The following MBOAT2 variants were observed in gnomAD, a reference collection of about 807,000 sequenced individuals.
The protein encoded by MBOAT2 is membrane bound glycerophospholipid O-acyltransferase 2.
In MBOAT2, 28 loss-of-function variants were observed where a neutral mutation model predicts 63.4. The observed-to-expected ratio is 0.44, with a 90% CI of 0.33 to 0.61. The LOEUF is 0.61. MBOAT2 is among the 20% of genes least tolerant of loss of function. The pLI, the probability that MBOAT2 is intolerant of heterozygous loss-of-function variation, is 0.03. For missense variants in MBOAT2, 470 were observed against 605.8 expected (o/e 0.78, Z 2.35); for synonymous variants, 211 against 215.6 (o/e 0.98, Z 0.19).
chr2:8,882,764 G>T (rs534921122), intron 5 of MBOAT2, among the ~76,000 whole-genome samples, 199 bp from the exon 6 acceptor site: 1 of 152,132 alleles, frequency 6.6e-6, no homozygotes, highest in Non-Finnish European at 1.5e-5. Context: ...ACACATGGTT[G>T]GGTATCTGAC....
At chr2:8,937,633 G>A (rs933252333) in intron 3 of MBOAT2, among the ~76,000 whole-genome samples, 1 of 152,126 alleles carries the variant, frequency 6.6e-6, no homozygotes, top group Non-Finnish European at 1.5e-5. Context: ...GGAGAGGGAG[G>A]ATGAGGAACA....
intron 3 of MBOAT2, among the ~76,000 whole-genome samples, chr2:8,914,706 T>C (rs1250420935): frequency 1.3e-5 from 2 of 152,174 alleles, no homozygotes; most frequent in African/African-American, 4.8e-5. Context: ...ACTAGCCACA[T>C]GTAGTTACTG....
Position 8,996,412 on chromosome 2 carries a change from C to T in MBOAT2, c.75+7128G>A, listed in dbSNP as rs776874367. Among the ~76,000 whole-genome samples, 8 of 152,282 alleles carry T rather than the reference C, an allele frequency of 5.3e-5. No homozygotes were observed. The East Asian group carries it at 9.6e-4, about 18-fold the overall frequency. ...GTAAGTCATATTGAAGCAACCCTAACGTCCTGGATTGTATTTAAATGCCCC... is the reference window on the plus strand; with the variant it reads ...GTAAGTCATATTGAAGCAACCCTAATGTCCTGGATTGTATTTAAATGCCCC... On this transcript the variant is annotated intron_variant, in intron 1 of 12. Coordinates refer to ENST00000305997, the MANE Select transcript of MBOAT2 (RefSeq NM_138799.4).
At chr2:8,926,848 G>C (rs1166865973) in intron 3 of MBOAT2, among the ~76,000 whole-genome samples, 2 of 152,188 alleles carry the variant, frequency 1.3e-5, no homozygotes, top group Admixed American at 1.3e-4. Flanking sequence ...AAGACCAACA[G>C]TGGATTTGAC....
intron 1 of MBOAT2, among the ~76,000 whole-genome samples, chr2:8,964,819 T>C (rs1669874999): frequency 6.6e-6 from 1 of 152,240 alleles, no homozygotes; most frequent in Admixed American, 6.5e-5. Flanking sequence ...TTTTTAAATG[T>C]GTATTTCTCC....
At chr2:8,937,934 G>A (rs368612446) in intron 3 of MBOAT2, among the ~76,000 whole-genome samples, 74 of 152,270 alleles carry the variant, frequency 4.9e-4, no homozygotes, top group Middle Eastern at 6.8e-3. Context: ...AAACAAGCAA[G>A]ATCACGTCAA....
chr2:8,992,384 G>C (rs1017633978), intron 1 of MBOAT2, among the ~76,000 whole-genome samples: 2 of 152,144 alleles, frequency 1.3e-5, no homozygotes, highest in Admixed American at 1.3e-4. Flanking sequence ...GGATCCTCCT[G>C]CCTTGGCCTC....
chr2:8,968,733 C>A (rs1190302820), intron 1 of MBOAT2, among the ~76,000 whole-genome samples: 1 of 152,124 alleles, frequency 6.6e-6, no homozygotes, highest in Non-Finnish European at 1.5e-5. Context: ...GTGATGAATG[C>A]ACAAGCTTCA....
intron 1 of MBOAT2, among the ~76,000 whole-genome samples, chr2:8,989,915 ATAGAG>A (rs1183687956): frequency 6.6e-6 from 1 of 152,208 alleles, no homozygotes; most frequent in East Asian, 1.9e-4. Flanking sequence ...GCTGCCATTT[ATAGAG>A]TACTCATTAC....
chr2:8,978,607 G>A (rs1670990291), intron 1 of MBOAT2, among the ~76,000 whole-genome samples: 1 of 151,990 alleles, frequency 6.6e-6, no homozygotes, highest in African/African-American at 2.4e-5. Context: ...CACCTGAGTT[G>A]AGTAATGAGA....
At chr2:8,890,766 C>G (rs183166780) in intron 4 of MBOAT2, among the ~76,000 whole-genome samples, 2 of 152,142 alleles carry the variant, frequency 1.3e-5, no homozygotes, top group African/African-American at 4.8e-5. Context: ...GCGATCCACC[C>G]ACCTCAGCCT....
intron 3 of MBOAT2, among the ~76,000 whole-genome samples, chr2:8,923,041 C>T (rs901695112): frequency 1.3e-5 from 2 of 152,204 alleles, no homozygotes; most frequent in Non-Finnish European, 2.9e-5. Flanking sequence ...GGCTAAACTG[C>T]TTTTGCTCAT....
In MBOAT2 at chr2:8,999,026, AGT is replaced by A. The variant is rs1272359753; in HGVS notation, c.75+4512_75+4513del. ...TGAAACAGCTTTGAAAACTGTATTA[AGT>A]GTTAGACATTATAATTATTATCTGA... On this transcript the variant is annotated intron_variant, in intron 1 of 12. Transcript: ENST00000305997. 5.9e-5 allele frequency among the ~76,000 whole-genome samples: 9 copies of A among 152,336 alleles called. No individual in the cohort carries two copies. In the East Asian group the frequency reaches 1.7e-3, roughly 29 times the overall value.
chr2:8,988,998 C>T (rs572032752), intron 1 of MBOAT2, among the ~76,000 whole-genome samples: 1 of 152,246 alleles, frequency 6.6e-6, no homozygotes, highest in Admixed American at 6.5e-5. Context: ...TAAGATAGTT[C>T]CTATTGTTTT....
At chr2:8,944,409 A>AC (rs1668264219) in intron 2 of MBOAT2, among the ~76,000 whole-genome samples, 1 of 151,912 alleles carries the variant, frequency 6.6e-6, no homozygotes, top group Non-Finnish European at 1.5e-5. Flanking sequence ...AAAGTACTTT[A>AC]TTTTTTTTCT....
At chr2:8,896,259 A>G (rs1664462170) in intron 4 of MBOAT2, among the ~76,000 whole-genome samples, 1 of 151,174 alleles carries the variant, frequency 6.6e-6, no homozygotes, top group Admixed American at 6.6e-5. Flanking sequence ...AAAAAAAAAA[A>G]GAGTTGTGAA....
chr2:8,944,939 G>C (rs759000142), intron 2 of MBOAT2, among the ~76,000 whole-genome samples: 6 of 152,088 alleles, frequency 3.9e-5, no homozygotes, highest in Non-Finnish European at 8.8e-5. Flanking sequence ...ACTCAATACA[G>C]GTACTTATCT....
At chr2:8,912,351 G>GAAAGAAAGAAAGAGAA (rs1553362293) in intron 3 of MBOAT2, among the ~76,000 whole-genome samples, 45 of 69,886 alleles carry the variant, frequency 6.4e-4, no homozygotes, top group Non-Finnish European at 8.0e-4. Context: ...AAGAAAGAAA[G>GAAAGAAAGAAAGAGAA]AGAAAGAAAG....
At chr2:8,971,300 T>C (rs1400254943) in intron 1 of MBOAT2, among the ~76,000 whole-genome samples, 1 of 152,208 alleles carries the variant, frequency 6.6e-6, no homozygotes, top group Non-Finnish European at 1.5e-5. Flanking sequence ...GAAAAGGCCT[T>C]TGACAAAATT....
Sources: gnomAD v4.1 joint callset for allele counts (sites outside exome capture counted in the v4.1 genomes callset) on GRCh38, gnomAD v4.1.1 for gene constraint, MANE v1.5 for transcripts, NCBI Gene and HGNC (gene_info 2026-07-23, HGNC 2026-07-21) for gene names.